HERC2: variants seen among roughly 807,000 people sequenced by gnomAD.
HERC2 encodes E3 ubiquitin-protein ligase HERC2.
Under a neutral mutation model 537.7 loss-of-function variants are expected in HERC2, and 102 were observed. The ratio of observed to expected loss-of-function variants is 0.19; its 90% CI spans 0.16 to 0.22. The LOEUF is 0.22. HERC2 is among the 10% of genes least tolerant of loss of function. The pLI is 1.00. For missense variants in HERC2, 4,236 were observed against 6,198.2 expected (o/e 0.68, Z 10.63); for synonymous variants, 2,224 against 2,466.2 (o/e 0.90, Z 2.91).
intron 69 of HERC2, 24 bp downstream of exon 69, chr15:28,163,070 G>A (rs768790231): frequency 2.8e-5 from 45 of 1,584,720 alleles, no homozygotes; most frequent in East Asian, 2.2e-4. Context: ...GGAATCAGAC[G>A]GCCCCGCCCT....
intron 48 of HERC2, among the ~76,000 whole-genome samples, chr15:28,200,705 A>G (rs1476779969): frequency 6.6e-6 from 1 of 151,910 alleles, no homozygotes; most frequent in Non-Finnish European, 1.5e-5. Flanking sequence ...CTGGAAAACT[A>G]CAAGCAAGCG....
At chr15:28,219,955 A>G (rs1206837602) in intron 37 of HERC2, among the ~76,000 whole-genome samples, 1 of 152,232 alleles carries the variant, frequency 6.6e-6, no homozygotes, top group African/African-American at 2.4e-5. Context: ...TAGAAGCGAT[A>G]AAGTGCTGAC....
rs1419245510 is a variant in HERC2 at position 28,167,772 on chromosome 15, G to A, written c.10469C>T (p.Ser3490Leu). Reference protein sequence around the residue: ...TPSAVTPSAPSASARPFIPVT... With the variant: ...TPSAVTPSAPLASARPFIPVT... ...TGGGATAAAAGGCCGAGCGGAGGCT[G>A]AGGGGGCCGACGGAGTCACTGCAGA... The change falls in exon 68 of 93, where the codon TCA becomes TTA. Residue 3490 changes from serine to leucine, a missense_variant. Transcript: ENST00000261609. 3 of 1,614,216 alleles carry A rather than the reference G, an allele frequency of 1.9e-6. No homozygotes were observed. The highest frequency in any genetic ancestry group is 2.5e-6 in the Non-Finnish European group (3 of 1,180,030).
chr15:28,293,967 G>A (rs371648894), intron 3 of HERC2, among the ~76,000 whole-genome samples: 1 of 152,214 alleles, frequency 6.6e-6, no homozygotes, highest in East Asian at 1.9e-4. Flanking sequence ...AGAAGGCTGT[G>A]ACTAAATGTC....
At chr15:28,243,412 G>A (rs952805931) in intron 23 of HERC2, among the ~76,000 whole-genome samples, 2 of 152,120 alleles carry the variant, frequency 1.3e-5, no homozygotes, top group Non-Finnish European at 2.9e-5. Context: ...TATTACTTCT[G>A]TTCATCAGAA....
In HERC2 at chr15:28,229,814, C is replaced by G. The variant is rs778634711; in HGVS notation, c.4843G>C (p.Gly1615Arg). 3 of 1,408,384 alleles carry G rather than the reference C, an allele frequency of 2.1e-6. No homozygotes were observed. Among genetic ancestry groups the G allele is most frequent in the African/African-American group, 2.8e-5 (2 of 70,670 alleles). The allele number at this position is 1,408,384 out of a possible 1,614,324, so 87.2% of individuals were successfully genotyped here. A position where few individuals can be genotyped will look rare whatever the true frequency, so the allele number is the denominator to read the frequency against. Residue 1615 changes from glycine (G) to arginine (R), a missense_variant, in exon 32 of 93, where the codon GGT becomes CGT. Physicochemically the swap from Gly to Arg is moderately radical, Grantham distance 125 (BLOSUM62 -2). Around this residue, in one of 27 missense-constraint regions of HERC2, gnomAD observed 343 missense variants for 417.2 expected, o/e 0.82. Coordinates refer to ENST00000261609, the MANE Select transcript of HERC2 (RefSeq NM_004667.6). Reference protein sequence around the residue: ...KWQPLLSTVTGVHKYKWLKQN... With the variant: ...KWQPLLSTVTRVHKYKWLKQN... ...TTCAACCACTTGTATTTGTGAACAC[C>G]TGTAACAGTACTCAACAGCGGCTGC...
chr15:28,113,863 C>G lies in HERC2; in HGVS notation c.13914-185G>C. 1 of 626,620 alleles carries G rather than the reference C, an allele frequency of 1.6e-6. No homozygotes were observed. Among genetic ancestry groups the G allele is most frequent in the Non-Finnish European group, 2.9e-6 (1 of 346,776 alleles). The allele number at this position is 626,620 out of a possible 1,614,324, so 38.8% of individuals were successfully genotyped here. A position where few individuals can be genotyped will look rare whatever the true frequency, so the allele number is the denominator to read the frequency against. On this transcript the variant is annotated intron_variant, in intron 90 of 92. Coordinates refer to ENST00000261609, the MANE Select transcript of HERC2 (RefSeq NM_004667.6). This position sits in a 1 kb window ranked among gnomAD's most constrained non-coding sequence, Gnocchi z 7.0. ...CTGCAGAGCTTCTCCTGACACTGGG[C>G]TCATCTCGTCCAGCCGACAGGGTAC...
At chr15:28,277,453 C>A in intron 5 of HERC2, among the ~76,000 whole-genome samples, 2 of 139,746 alleles carry the variant, frequency 1.4e-5, no homozygotes. Context: ...TATGTGAATC[C>A]ACAATTATCT....
chr15:28,144,595 T>G (rs138535006), intron 72 of HERC2, 78 bp downstream of exon 72: 1 of 1,569,076 alleles, frequency 6.4e-7, no homozygotes, highest in African/African-American at 1.3e-5. Context: ...TACGTGGACA[T>G]GTGCACGTGT....
intron 44 of HERC2, among the ~76,000 whole-genome samples, chr15:28,208,184 T>TAATTTCATAA (rs1335130845): frequency 6.6e-6 from 1 of 152,236 alleles, no homozygotes; most frequent in Non-Finnish European, 1.5e-5. Flanking sequence ...GGTTTAAAAT[T>TAATTTCATAA]AATTTCATAA....
intron 68 of HERC2, among the ~76,000 whole-genome samples, chr15:28,163,794 G>A (rs1328065463): frequency 2.0e-5 from 3 of 152,136 alleles, no homozygotes; most frequent in Non-Finnish European, 2.9e-5. Context: ...TGGGTTCATT[G>A]AAAACATCAT....
chr15:28,177,313 C>A lies in HERC2; in HGVS notation c.9254+106G>T. 7.5e-7 allele frequency: 1 copy of A among 1,334,014 alleles called. No homozygotes were observed. Among genetic ancestry groups the A allele is most frequent in the South Asian group, 1.3e-5 (1 of 76,148 alleles). 82.6% of individuals were successfully genotyped at this position (1,334,014 alleles called of 1,614,324 possible). Reference sequence around the variant, plus strand: ...TGTTAAAAAAATTTTGTTTAAGAACCATTTCTATAATCTATTCTATTCTAA... The same window carrying A: ...TGTTAAAAAAATTTTGTTTAAGAACAATTTCTATAATCTATTCTATTCTAA... On this transcript the variant is annotated intron_variant, in intron 60 of 92. Transcript: ENST00000261609. The surrounding 1 kb of genome is among the most constrained non-coding windows in gnomAD (Gnocchi z 5.0).
Position 28,111,664 on chromosome 15 carries a change from C to T in HERC2, c.*99G>A, listed in dbSNP as rs577786319. On this transcript the variant is annotated 3_prime_UTR_variant, in exon 93 of 93. Coordinates refer to ENST00000261609, the MANE Select transcript of HERC2 (RefSeq NM_004667.6). ...TCCTCCCGCCTGGCTCGAGGACGGA[C>T]GCTTCTCATCAGACACACCAGGCAG... 1.5e-5 allele frequency: 20 copies of T among 1,320,284 alleles called. No individual in the cohort carries two copies. The African/African-American group carries it at 1.9e-4, about 13-fold the overall frequency. 81.8% of individuals were successfully genotyped at this position (1,320,284 alleles called of 1,614,324 possible). A position where few individuals can be genotyped will look rare whatever the true frequency, so the allele number is the denominator to read the frequency against.
intron 2 of HERC2, among the ~76,000 whole-genome samples, chr15:28,317,470 G>A (rs948172157): frequency 1.3e-5 from 2 of 152,208 alleles, no homozygotes; most frequent in Non-Finnish European, 2.9e-5. Flanking sequence ...ATGATTAGAG[G>A]AAGAGACAAA....
chr15:28,227,181 A>G (rs1901279049), intron 35 of HERC2, among the ~76,000 whole-genome samples: 2 of 152,166 alleles, frequency 1.3e-5, no homozygotes, highest in African/African-American at 4.8e-5. Context: ...AGGCTGAGGC[A>G]TGAGAAGCGC....
rs2075621051 is a variant in HERC2 at position 28,268,183 on chromosome 15, G to A, written c.1598+282C>T. ...GGAACAGTGGTGTGGGATTTGTTTT[G>A]GCAAACTCCACAGTGGGGATGCAGT... On this transcript the variant is annotated intron_variant, in intron 12 of 92. Coordinates refer to ENST00000261609, the MANE Select transcript of HERC2 (RefSeq NM_004667.6). The surrounding 1 kb of genome is among the most constrained non-coding windows in gnomAD (Gnocchi z 4.7). 6.6e-6 allele frequency among the ~76,000 whole-genome samples: 1 copy of A among 152,156 alleles called. No homozygotes were observed. The highest frequency in any genetic ancestry group is 6.5e-5 in the Admixed American group (1 of 15,270).
At chr15:28,207,856 T>C (rs888471259) in intron 44 of HERC2, among the ~76,000 whole-genome samples, 4 of 152,064 alleles carry the variant, frequency 2.6e-5, no homozygotes, top group African/African-American at 9.7e-5. Context: ...GCTCTGCCAT[T>C]GCAGAGCAAA....
intron 70 of HERC2, among the ~76,000 whole-genome samples, chr15:28,150,437 G>A (rs972325283): frequency 1.1e-4 from 17 of 148,742 alleles, no homozygotes; most frequent in African/African-American, 4.2e-4. Flanking sequence ...GAACATCACC[G>A]ACAACGGCCA....
rs147913506 is a variant in HERC2 at position 28,141,151 on chromosome 15, T to G, written c.12015+281A>C. 3.6e-3 allele frequency among the ~76,000 whole-genome samples: 549 copies of G among 151,724 alleles called. 6 individuals are homozygous for G. Among genetic ancestry groups the G allele is most frequent in the African/African-American group, 0.013 (523 of 41,386 alleles). Reference sequence around the variant, plus strand: ...TACTTGGGAGGTTGAGGCAGGAGAATCACTTGAACTCAGGAGGTGGAGGTT... The same window carrying G: ...TACTTGGGAGGTTGAGGCAGGAGAAGCACTTGAACTCAGGAGGTGGAGGTT... On this transcript the variant is annotated intron_variant, in intron 78 of 92. Coordinates refer to ENST00000261609, the MANE Select transcript of HERC2 (RefSeq NM_004667.6).
Sources: allele counts gnomAD v4.1 joint callset (sites outside exome capture counted in the v4.1 genomes callset), GRCh38; gene constraint gnomAD v4.1.1; regional missense constraint gnomAD v4.1.1; non-coding constraint Gnocchi (gnomAD v3.1); transcripts MANE v1.5; gene names NCBI Gene and HGNC (gene_info 2026-07-23, HGNC 2026-07-21).